TMEM14A: variants seen among roughly 807,000 people sequenced by gnomAD.
TMEM14A encodes the protein transmembrane protein 14A.
TMEM14A carries 8 observed loss-of-function variants against 11.6 expected under a neutral mutation model. That is an observed-to-expected ratio of 0.69 (90% CI 0.40 to 1.24). TMEM14A has a LOEUF of 1.24. Among genes scored for constraint, TMEM14A ranks in the 50% most tolerant of loss-of-function variants. TMEM14A has a pLI of 0.01. For synonymous variants in TMEM14A, 34 were observed against 45.5 expected, an observed-to-expected ratio of 0.75 and a Z score of 1.02; for missense variants, 108 against 121.9, an observed-to-expected ratio of 0.89 and a Z score of 0.54.
intron 1 of TMEM14A, among the ~76,000 whole-genome samples, chr6:52,672,700 A>G (rs533885230): frequency 1.5e-4 from 23 of 152,144 alleles, no homozygotes; most frequent in South Asian, 4.2e-4. Context: ...CCTCAAATTC[A>G]ATTCTGATTC....
chr6:52,671,838 G>A (rs969943237), intron 1 of TMEM14A, among the ~76,000 whole-genome samples: 3 of 152,178 alleles, frequency 2.0e-5, no homozygotes, highest in Non-Finnish European at 2.9e-5. Flanking sequence ...TTTGTGATGA[G>A]AGCGTGTGAT....
chr6:52,674,889 C>CTTTTTT (rs35094326), intron 1 of TMEM14A, among the ~76,000 whole-genome samples: 1 of 139,452 alleles, frequency 7.2e-6, no homozygotes, highest in Non-Finnish European at 1.5e-5. Flanking sequence ...AATTCTTCTT[C>CTTTTTT]TTTTTTTTTT....
Position 52,686,135 on chromosome 6 carries a change from C to A in TMEM14A, c.*86C>A. 7.7e-7 allele frequency: 1 copy of A among 1,293,072 alleles called. No individual in the cohort carries two copies. The highest frequency in any genetic ancestry group is 1.1e-6 in the Non-Finnish European group (1 of 932,754). 80.1% of individuals were successfully genotyped at this position (1,293,072 alleles called of 1,614,324 possible). On this transcript the variant is annotated 3_prime_UTR_variant, in exon 5 of 5. Transcript: ENST00000211314. Reference sequence around the variant, plus strand: ...TTTTTTGTATTTAAAAGATAAACTTCAATATGGAATGCTAGAAACACAAAT... The same window carrying A: ...TTTTTTGTATTTAAAAGATAAACTTAAATATGGAATGCTAGAAACACAAAT...
At chr6:52,684,276 A>C (rs1232103001) in intron 4 of TMEM14A, 111 bp downstream of exon 4, 8 of 955,786 alleles carry the variant, frequency 8.4e-6, no homozygotes, top group Non-Finnish European at 1.2e-5. Context: ...TTGTTATAAT[A>C]AGCATGACAG....
chr6:52,685,533 C>T (rs1002368715), intron 4 of TMEM14A, among the ~76,000 whole-genome samples: 3 of 150,376 alleles, frequency 2.0e-5, no homozygotes, highest in African/African-American at 7.4e-5. Flanking sequence ...TGCAGTGAGC[C>T]GAGACTGCGT....
At chr6:52,676,715 G>A (rs2127262476) in intron 1 of TMEM14A, among the ~76,000 whole-genome samples, 1 of 152,318 alleles carries the variant, frequency 6.6e-6, no homozygotes, top group Middle Eastern at 3.4e-3. Context: ...TGTACAGGAG[G>A]CGTGGCTGGA....
chr6:52,686,161 A>C lies in TMEM14A; in HGVS notation c.*112A>C. 9.6e-7 allele frequency: 1 copy of C among 1,045,514 alleles called. No individual in the cohort carries two copies. The highest frequency in any genetic ancestry group is 1.4e-6 in the Non-Finnish European group (1 of 727,546). 64.8% of individuals were successfully genotyped at this position (1,045,514 alleles called of 1,614,324 possible). A position where few individuals can be genotyped will look rare whatever the true frequency, so the allele number is the denominator to read the frequency against. ...AATATGGAATGCTAGAAACACAAAT[A>C]GCACTGTCACCTCTAATATGAACAT... On this transcript the variant is annotated 3_prime_UTR_variant, in exon 5 of 5. Transcript: ENST00000211314.
At chr6:52,682,596 GT>G (rs372691913) in intron 3 of TMEM14A, among the ~76,000 whole-genome samples, 40,257 of 84,840 alleles carry the variant, frequency 0.47, 6,230 homozygotes, top group African/African-American at 0.53. Context: ...GAGATTTGGG[GT>G]TTTTTTTTTT....
At chr6:52,680,667 GTGTATATATATATATACATATA>G (rs1474252016) in intron 2 of TMEM14A, among the ~76,000 whole-genome samples, 3 of 24,910 alleles carry the variant, frequency 1.2e-4, no homozygotes, top group African/African-American at 3.4e-4. Flanking sequence ...GTATATATAT[GTGTATATATATATATACATATA>G]TGTATATATA....
rs1316742297 is a variant in TMEM14A at position 52,677,170 on chromosome 6, G to T, written c.68G>T (p.Arg23Ile). The T allele has an allele frequency of 1.9e-6, 3 of 1,614,048 alleles. No homozygotes were observed. In the African/African-American group the frequency reaches 4.0e-5, roughly 22 times the overall value. The part of the protein sequence containing the change: ...TFGSIFGYKR[R>I]GGVPSLIAGL... ...GGAAGCATTTTTGGATATAAGCGGA[G>T]AGGTAAGCCTAACCCAAATTTTCAT... Residue 23 changes from arginine (R) to isoleucine (I), a missense_variant and splice_region_variant, in exon 2 of 5, where the codon AGA becomes ATA. By Grantham distance (97) the Arg-to-Ile change is moderately conservative. Transcript: ENST00000211314.
intron 2 of TMEM14A, among the ~76,000 whole-genome samples, chr6:52,679,366 G>T (rs1170567962): frequency 6.6e-6 from 1 of 152,118 alleles, no homozygotes; most frequent in Non-Finnish European, 1.5e-5. Context: ...TCCCTGCCTT[G>T]TCCCACACTA....
chr6:52,678,154 A>G (rs3798811), intron 2 of TMEM14A, among the ~76,000 whole-genome samples: 103,419 of 152,100 alleles, frequency 0.68, 37,203 homozygotes, highest in South Asian at 0.82. Flanking sequence ...CTTTAGAAAG[A>G]ACTCAGTTTA....
chr6:52,684,308 G>A lies in TMEM14A; in HGVS notation c.260+143G>A, dbSNP rs1229225301. On this transcript the variant is annotated intron_variant, in intron 4 of 4. Coordinates refer to ENST00000211314, the MANE Select transcript of TMEM14A (RefSeq NM_014051.4). ...ACAGTAAAAACCTTAAGATAGCATG[G>A]ATTCAGTGGGTCTTTGATATTGATG... The A allele has an allele frequency of 7.0e-5, 47 of 673,304 alleles. No homozygotes were observed. The Admixed American group carries it at 1.4e-3, about 21-fold the overall frequency. The allele number at this position is 673,304 out of a possible 1,614,324, so 41.7% of individuals were successfully genotyped here. A position where few individuals can be genotyped will look rare whatever the true frequency, so the allele number is the denominator to read the frequency against.
rs1769493565 is a variant in TMEM14A at position 52,686,344 on chromosome 6, C to T, written c.*295C>T. The T allele has an allele frequency of 5.1e-6, 2 of 392,804 alleles. No individual in the cohort carries two copies. Among genetic ancestry groups the T allele is most frequent in the African/African-American group, 2.1e-5 (1 of 48,434 alleles). 24.3% of individuals were successfully genotyped at this position (392,804 alleles called of 1,614,324 possible). Reference sequence around the variant, plus strand: ...GTATTTTTTGAAAATTCCAAATACTCATGTCTCAAGTAAGCTTAAACTACA... The same window carrying T: ...GTATTTTTTGAAAATTCCAAATACTTATGTCTCAAGTAAGCTTAAACTACA... On this transcript the variant is annotated 3_prime_UTR_variant, in exon 5 of 5. Coordinates refer to ENST00000211314, the MANE Select transcript of TMEM14A (RefSeq NM_014051.4).
rs1769274918 is a variant in TMEM14A at position 52,677,237 on chromosome 6, G to A, written c.70+65G>A. ...GGGTTTGGAGGTTGTGCTAGGTCATGTGAGGCTCTGTAAGTAGGATGAGAA... is the reference window on the plus strand; with the variant it reads ...GGGTTTGGAGGTTGTGCTAGGTCATATGAGGCTCTGTAAGTAGGATGAGAA... On this transcript the variant is annotated intron_variant, in intron 2 of 4. Coordinates refer to ENST00000211314, the MANE Select transcript of TMEM14A (RefSeq NM_014051.4). 3.3e-5 allele frequency: 51 copies of A among 1,539,674 alleles called. 1 individual carries two copies. The Admixed American group carries it at 8.4e-4, about 25-fold the overall frequency.
intron 2 of TMEM14A, among the ~76,000 whole-genome samples, chr6:52,680,593 T>TACATATATATATATATATA (rs1561874928): frequency 1.0e-5 from 1 of 96,524 alleles, no homozygotes; most frequent in Admixed American, 1.2e-4. Flanking sequence ...ATTTATATAT[T>TACATATATATATATATATA]TATATATATA....
chr6:52,681,927 T>C lies in TMEM14A; in HGVS notation c.172+13T>C, dbSNP rs920403639. On this transcript the variant is annotated intron_variant, in intron 3 of 4. Transcript: ENST00000211314. ...AAAGTGTCACTGTGTAAGTAAGGCA[T>C]TTTTCCTGGTTACAGAGACTCAAAC... 2 of 1,605,144 alleles carry C rather than the reference T, an allele frequency of 1.2e-6. No individual in the cohort carries two copies. Among genetic ancestry groups the C allele is most frequent in the East Asian group, 2.2e-5 (1 of 44,846 alleles).
In TMEM14A at chr6:52,686,014, A is replaced by G; in HGVS notation, c.265A>G (p.Met89Val). The G allele has an allele frequency of 6.2e-7, 1 of 1,610,926 alleles. No individual in the cohort carries two copies. Among genetic ancestry groups the G allele is most frequent in the South Asian group, 1.1e-5 (1 of 90,574 alleles). ...TTTGTTTTATTTTAAATCCAGCCTC[A>G]TGATGATCCTGAGACTTGTCTTGTT... ...PAGLVAGLSL[M>V]MILRLVLLLL Residue 89 changes from methionine to valine, a missense_variant, in exon 5 of 5, where the codon ATG becomes GTG. By Grantham distance (21) the Met-to-Val change is conservative. Transcript: ENST00000211314.
chr6:52,680,713 A>ATGTG (rs1769374791), intron 2 of TMEM14A, among the ~76,000 whole-genome samples: 4 of 97,040 alleles, frequency 4.1e-5, no homozygotes, highest in Admixed American at 1.4e-4. Context: ...ATACACATAT[A>ATGTG]TATATGGCAT....
Sources: gnomAD v4.1 joint callset for allele counts (sites outside exome capture counted in the v4.1 genomes callset) on GRCh38, gnomAD v4.1.1 for gene constraint, MANE v1.5 for transcripts, NCBI Gene and HGNC (gene_info 2026-07-23, HGNC 2026-07-21) for gene names.